The following SP110 variants were observed in gnomAD, a reference collection of about 807,000 sequenced individuals.
SP110 encodes the protein interferon-induced protein 41, 30kD.
A neutral mutation model predicts 92.7 loss-of-function variants in SP110; 62 were observed. That is an observed-to-expected ratio of 0.67 (90% confidence interval 0.55 to 0.83). The LOEUF is 0.83. SP110 is among the 40% of genes least tolerant of loss of function. The pLI is 0.00. For synonymous variants in SP110, 273 were observed against 305.3 expected, an observed-to-expected ratio of 0.89 and a Z score of 1.10; for missense variants, 793 against 863.9, an observed-to-expected ratio of 0.92 and a Z score of 1.03.
chr2:230,222,780 A>G (rs767510255), upstream of SP110, among the ~76,000 whole-genome samples: 5 of 150,576 alleles, frequency 3.3e-5, no homozygotes, highest in Non-Finnish European at 5.9e-5. Context: ...CCTTAAGGCC[A>G]GCACCAGGCA....
Position 230,166,106 on chromosome 2 carries a change from C to A in SP110, c.*3018G>T, listed in dbSNP as rs1160210721. On this transcript the variant is annotated 3_prime_UTR_variant, in exon 19 of 19. Transcript: ENST00000258381. The stretch of plus-strand genomic sequence containing the variant: ...ACGGGGTTTCACCACGTTGGTCAGG[C>A]TGGTCTCGATCTCTTGACCTCGCGA... 1.3e-5 allele frequency among the ~76,000 whole-genome samples: 2 copies of A among 152,064 alleles called. No homozygotes were observed. The highest frequency in any genetic ancestry group is 4.8e-5 in the African/African-American group (2 of 41,418).
At chr2:230,198,564 C>T (rs1000299830) in intron 10 of SP110, among the ~76,000 whole-genome samples, 8 of 152,036 alleles carry the variant, frequency 5.3e-5, no homozygotes, top group East Asian at 1.9e-4. Flanking sequence ...CAGGTGTGGC[C>T]GTGCAACCAG....
chr2:230,214,886 G>A (rs761116976), intron 3 of SP110, 64 bp downstream of exon 3: 23 of 1,405,968 alleles, frequency 1.6e-5, no homozygotes, highest in Non-Finnish European at 2.2e-5. Flanking sequence ...AGGGCTAGAA[G>A]TAAACCCAGA....
At chr2:230,213,128 G>A in intron 3 of SP110, 101 bp from the exon 4 acceptor site, 2 of 1,154,982 alleles carry the variant, frequency 1.7e-6, no homozygotes, top group Non-Finnish European at 2.6e-6. Flanking sequence ...TGGGGGCATG[G>A]AGCTATTCAT....
At chr2:230,216,688 T>G (rs1323995482) in intron 2 of SP110, 93 bp downstream of exon 2, 9 of 1,516,562 alleles carry the variant, frequency 5.9e-6, no homozygotes, top group African/African-American at 1.4e-5. Context: ...CCTTCCAAAC[T>G]CTGGAAGCCC....
intron 1 of SP110, among the ~76,000 whole-genome samples, chr2:230,218,939 A>C (rs1000513948): frequency 6.6e-6 from 1 of 152,206 alleles, no homozygotes; most frequent in African/African-American, 2.4e-5. Context: ...GAAAGCATAA[A>C]GAAGGCCAGG....
chr2:230,192,525 C>A (rs940822722), intron 10 of SP110, among the ~76,000 whole-genome samples: 1 of 150,800 alleles, frequency 6.6e-6, no homozygotes, highest in Non-Finnish European at 1.5e-5. Context: ...TGATGAACTA[C>A]CATTCACAAT....
In SP110 at chr2:230,177,468, C is replaced by A. The variant is rs1258610062; in HGVS notation, c.1590+70G>T. The A allele has an allele frequency of 2.7e-6, 4 of 1,485,796 alleles. No homozygotes were observed. In the East Asian group the frequency reaches 9.0e-5, roughly 34 times the overall value. 92.0% of individuals were successfully genotyped at this position (1,485,796 alleles called of 1,614,324 possible). A position where few individuals can be genotyped will look rare whatever the true frequency, so the allele number is the denominator to read the frequency against. On this transcript the variant is annotated intron_variant, in intron 14 of 18. Transcript: ENST00000258381. ...ATCCTAACGGGAGCTCTTCACATTT[C>A]TGCTCTTAAAGCTCCACTTCTCCTT...
intron 10 of SP110, among the ~76,000 whole-genome samples, chr2:230,187,867 C>T (rs1360800526): frequency 1.3e-5 from 2 of 152,134 alleles, no homozygotes; most frequent in African/African-American, 4.8e-5. Context: ...ACTTTTATAA[C>T]AGTATCATGC....
intron 12 of SP110, among the ~76,000 whole-genome samples, chr2:230,179,602 G>C (rs796484721): frequency 6.8e-6 from 1 of 148,090 alleles, no homozygotes; most frequent in Non-Finnish European, 1.5e-5. Context: ...GCTGCCGCAG[G>C]TTCCTAATGT....
intron 18 of SP110, 51 bp downstream of exon 18, chr2:230,170,570 A>G (rs2078410264): frequency 1.2e-6 from 2 of 1,608,508 alleles, no homozygotes; most frequent in Non-Finnish European, 1.7e-6. Context: ...TGTCCCAGAA[A>G]TTAGGGGAAA....
chr2:230,181,748 T>C (rs2042137068), intron 12 of SP110, among the ~76,000 whole-genome samples: 1 of 152,146 alleles, frequency 6.6e-6, no homozygotes, highest in African/African-American at 2.4e-5. Context: ...AAAACCACAA[T>C]GAGATACCAT....
At chr2:230,173,023 G>C in intron 14 of SP110, 64 bp from the exon 15 acceptor site, 1 of 1,103,128 alleles carries the variant, frequency 9.1e-7, no homozygotes, top group African/African-American at 1.5e-5. Flanking sequence ...TGACCCTGTG[G>C]GGTTCTAGAA....
At chr2:230,182,576 T>C (rs1038506500) in intron 12 of SP110, among the ~76,000 whole-genome samples, 2 of 152,098 alleles carry the variant, frequency 1.3e-5, no homozygotes, top group Non-Finnish European at 2.9e-5. Flanking sequence ...GAGGAGGCCC[T>C]GAGCAGGAAC....
chr2:230,205,274 C>T (rs969108826), intron 8 of SP110, among the ~76,000 whole-genome samples: 1 of 152,152 alleles, frequency 6.6e-6, no homozygotes, highest in Non-Finnish European at 1.5e-5. Context: ...TGAAACCCTA[C>T]ATAATCTGAT....
Position 230,170,647 on chromosome 2 carries a change from A to G in SP110, c.2002T>C (p.Phe668Leu), listed in dbSNP as rs1206478104. The change falls in exon 18 of 19, where the codon TTT becomes CTT. Residue 668 changes from phenylalanine (F) to leucine (L), a missense_variant. By Grantham distance (22) the Phe-to-Leu change is conservative. Transcript: ENST00000258381. ...AWFVRDMRLM[F>L]RNHKTFYKAS... The stretch of plus-strand genomic sequence containing the variant: ...TTGTAAAATGTTTTATGGTTGCGAA[A>G]CATCAGGCGCATGTCTCGCACAAAC... 6.2e-7 allele frequency: 1 copy of G among 1,614,102 alleles called. No individual in the cohort carries two copies. The highest frequency in any genetic ancestry group is 1.3e-5 in the African/African-American group (1 of 75,026).
intron 8 of SP110, among the ~76,000 whole-genome samples, chr2:230,206,970 T>C (rs2043933135): frequency 6.6e-6 from 1 of 152,108 alleles, no homozygotes; most frequent in Non-Finnish European, 1.5e-5. Context: ...GGTCTTTCCC[T>C]AGGTATTTAT....
chr2:230,212,267 A>G, intron 5 of SP110, 80 bp downstream of exon 5: 10 of 1,052,106 alleles, frequency 9.5e-6, no homozygotes, highest in Non-Finnish European at 1.5e-5. Flanking sequence ...GGTTCCCACC[A>G]TAGCCTCTTG....
rs576929557 is a variant in SP110 at position 230,211,029 on chromosome 2, G to A, written c.751+441C>T. On this transcript the variant is annotated intron_variant, in intron 6 of 18. Transcript: ENST00000258381. The surrounding 1 kb of genome is among the most constrained non-coding windows in gnomAD (Gnocchi z 4.2). ...ATTTGCTTTGCATTTTGACAGAGCC[G>A]TTTTGAGCACTACTTTATTGAAGTG... 2.6e-5 allele frequency among the ~76,000 whole-genome samples: 4 copies of A among 152,298 alleles called. No homozygotes were observed. In the East Asian group the frequency reaches 5.8e-4, roughly 22 times the overall value.
Sources: gnomAD v4.1 joint callset for allele counts (sites outside exome capture counted in the v4.1 genomes callset) on GRCh38, gnomAD v4.1.1 for gene constraint, Gnocchi (gnomAD v3.1) non-coding constraint, MANE v1.5 for transcripts, NCBI Gene and HGNC (gene_info 2026-07-23, HGNC 2026-07-21) for gene names.